The following SP100 variants were observed in gnomAD, a reference collection of about 807,000 sequenced individuals.
SP100 encodes SP100 nuclear body protein.
In SP100, 84 loss-of-function variants were observed where a neutral mutation model predicts 130.0. The observed-to-expected ratio is 0.65, with a 90% CI of 0.54 to 0.77. SP100 has a LOEUF of 0.77. Among genes scored for constraint, SP100 ranks in the 30% least tolerant of loss-of-function variants. The probability of loss-of-function intolerance (pLI) is 0.00; values close to 1 mark genes in which losing one functional copy is unlikely to be tolerated. For synonymous variants in SP100, 331 were observed against 351.7 expected (o/e 0.94, Z 0.66); for missense variants, 978 against 1,052.2 (o/e 0.93, Z 0.97).
At chr2:230,474,304 G>C in intron 16 of SP100, 90 bp from the exon 17 acceptor site, 1 of 712,752 alleles carries the variant, frequency 1.4e-6, no homozygotes, top group Non-Finnish European at 2.5e-6. Flanking sequence ...TGTTATAAAC[G>C]CAAGCCTTCC....
chr2:230,541,076 G>A, intron 26 of SP100, 80 bp downstream of exon 26: 1 of 1,519,342 alleles, frequency 6.6e-7, no homozygotes, highest in South Asian at 1.3e-5. Context: ...AAGTGCTCAA[G>A]GAATGGAGCC....
At chr2:230,521,351 A>T (rs1163565375) in intron 24 of SP100, among the ~76,000 whole-genome samples, 1 of 152,188 alleles carries the variant, frequency 6.6e-6, no homozygotes, top group Non-Finnish European at 1.5e-5. Flanking sequence ...TAAGATTGTA[A>T]CAAGGAGCTG....
intron 8 of SP100, 67 bp downstream of exon 8, chr2:230,450,322 G>T (rs561586906): frequency 2.5e-6 from 3 of 1,185,100 alleles, no homozygotes; most frequent in African/African-American, 3.0e-5. Context: ...TTGGTTGGTT[G>T]GTTGGTTGGT....
At chr2:230,423,416 T>C (rs2062829837) in intron 2 of SP100, among the ~76,000 whole-genome samples, 1 of 152,170 alleles carries the variant, frequency 6.6e-6, no homozygotes, top group African/African-American at 2.4e-5. Flanking sequence ...CTTTCCATTT[T>C]GTTGGTCTTT....
At chr2:230,448,312 CTTGTCA>C (rs1458277711) in intron 5 of SP100, among the ~76,000 whole-genome samples, 1 of 152,112 alleles carries the variant, frequency 6.6e-6, no homozygotes, top group African/African-American at 2.4e-5. Context: ...CAAAAATAAC[CTTGTCA>C]TTAACAGCTC....
chr2:230,443,644 G>A (rs1020087735), intron 3 of SP100, among the ~76,000 whole-genome samples: 1 of 151,512 alleles, frequency 6.6e-6, no homozygotes, highest in Admixed American at 6.6e-5. Context: ...TTTTTTTTGT[G>A]CATTTCTGGA....
chr2:230,416,349 C>T (rs760113402), intron 1 of SP100, 21 bp downstream of exon 1: 1 of 1,608,166 alleles, frequency 6.2e-7, no homozygotes, highest in Non-Finnish European at 8.5e-7. Context: ...ATCTCCCTTC[C>T]TTTAACCTTT....
At chr2:230,475,037 T>C (rs1473701078) in intron 17 of SP100, among the ~76,000 whole-genome samples, 6 of 152,024 alleles carry the variant, frequency 3.9e-5, no homozygotes, top group Non-Finnish European at 7.4e-5. Context: ...TATTTTCCTT[T>C]GGGTATATAC....
intron 2 of SP100, among the ~76,000 whole-genome samples, chr2:230,439,604 A>T (rs930694786): frequency 6.7e-6 from 1 of 149,934 alleles, no homozygotes; most frequent in African/African-American, 2.5e-5. Flanking sequence ...TTTATTTTTT[A>T]TTTATTTATT....
Position 230,494,298 on chromosome 2 carries a change from T to C in SP100, c.1601-118T>C, listed in dbSNP as rs914243963. On this transcript the variant is annotated intron_variant, in intron 17 of 28. Coordinates refer to ENST00000340126, the MANE Select transcript of SP100 (RefSeq NM_001080391.2). ...GATGGGATGTTGGTGGCCGAGGACT[T>C]AGCCCCGCAAAAGTAGAAGGAAAAC... The C allele has an allele frequency of 1.3e-5, 10 of 780,092 alleles. No individual in the cohort carries two copies. In the African/African-American group the frequency reaches 1.8e-4, roughly 14 times the overall value. 48.3% of individuals were successfully genotyped at this position (780,092 alleles called of 1,614,324 possible). A position where few individuals can be genotyped will look rare whatever the true frequency, so the allele number is the denominator to read the frequency against.
chr2:230,515,258 TC>T lies in SP100; in HGVS notation c.2094+4095del, dbSNP rs866868581. ...TATGAAAGAGAAATGAAAACCTATA[TC>T]CCTCCTAAAGGGGAGAAAAAAAAGA... is the stretch of plus-strand genomic sequence containing the variant. On this transcript the variant is annotated intron_variant, in intron 24 of 28. Coordinates refer to ENST00000340126, the MANE Select transcript of SP100 (RefSeq NM_001080391.2). 12 of 1,612,546 alleles carry T rather than the reference TC, an allele frequency of 7.4e-6. No individual in the cohort carries two copies. In the African/African-American group the frequency reaches 1.6e-4, roughly 22 times the overall value.
chr2:230,465,352 T>C (rs1190867752), intron 11 of SP100, among the ~76,000 whole-genome samples: 1 of 152,158 alleles, frequency 6.6e-6, no homozygotes, highest in East Asian at 1.9e-4. Flanking sequence ...TGAGTTACGA[T>C]TGTGCCACTG....
intron 2 of SP100, among the ~76,000 whole-genome samples, chr2:230,423,265 C>T (rs926024395): frequency 2.4e-4 from 37 of 152,118 alleles, no homozygotes; most frequent in Admixed American, 2.4e-3. Context: ...AACTATTTCC[C>T]TAGATTCTCT....
intron 24 of SP100, among the ~76,000 whole-genome samples, chr2:230,524,935 G>A (rs755446477): frequency 6.6e-6 from 1 of 152,120 alleles, no homozygotes; most frequent in South Asian, 2.1e-4. Flanking sequence ...GAATAATTTT[G>A]TCTAATTCAG....
chr2:230,498,087 C>T (rs1222511751), intron 18 of SP100, among the ~76,000 whole-genome samples: 1 of 152,200 alleles, frequency 6.6e-6, no homozygotes, highest in Non-Finnish European at 1.5e-5. Context: ...GTCTCTATCT[C>T]ATAAATGAAT....
intron 17 of SP100, among the ~76,000 whole-genome samples, chr2:230,488,737 T>C (rs1475198594): frequency 2.6e-5 from 4 of 152,214 alleles, no homozygotes; most frequent in South Asian, 2.1e-4. Context: ...TGAAGGGATG[T>C]TGAATTTTTT....
rs2064307091 is a variant in SP100 at position 230,456,999 on chromosome 2, A to ATT, written c.821-4261_821-4260dup. Among the ~76,000 whole-genome samples the ATT allele has an allele frequency of 2.0e-5, 3 of 152,296 alleles. No homozygotes were observed. The South Asian group carries it at 6.2e-4, about 32-fold the overall frequency. On this transcript the variant is annotated intron_variant, in intron 8 of 28. Coordinates refer to ENST00000340126, the MANE Select transcript of SP100 (RefSeq NM_001080391.2). ...GTTTTTATGTTTCTTGTTGCCTTAC[A>ATT]TTTATGTCTGTACATTTGAGAAAGT...
At position 230,543,146 on chromosome 2, in the gene SP100, T is replaced by C. The variant is rs962914298; in HGVS notation, c.*200T>C. The C allele has an allele frequency of 5.9e-5, 22 of 373,460 alleles. No homozygotes were observed. Among genetic ancestry groups the C allele is most frequent in the Non-Finnish European group, 8.9e-5 (19 of 212,730 alleles). The allele number at this position is 373,460 out of a possible 1,614,324, so 23.1% of individuals were successfully genotyped here. On this transcript the variant is annotated 3_prime_UTR_variant, in exon 29 of 29. Coordinates refer to ENST00000340126, the MANE Select transcript of SP100 (RefSeq NM_001080391.2). Reference sequence around the variant, plus strand: ...TTAAAAATTCTCAATAAGCTAGGTATTGAGGAACATATCCCAAAATAATAA... The same window carrying C: ...TTAAAAATTCTCAATAAGCTAGGTACTGAGGAACATATCCCAAAATAATAA...
chr2:230,534,957 G>A (rs1370315361), intron 24 of SP100, among the ~76,000 whole-genome samples: 1 of 152,142 alleles, frequency 6.6e-6, no homozygotes, highest in Non-Finnish European at 1.5e-5. Flanking sequence ...AGCACTTTGG[G>A]AGGCCAAGAC....
Sources: allele counts gnomAD v4.1 joint callset (sites outside exome capture counted in the v4.1 genomes callset), GRCh38; gene constraint gnomAD v4.1.1; transcripts MANE v1.5; gene names NCBI Gene and HGNC (gene_info 2026-07-23, HGNC 2026-07-21).